HS3ST4: variants seen among roughly 807,000 people sequenced by gnomAD.
The protein encoded by HS3ST4 is heparan sulfate-glucosamine 3-sulfotransferase 4.
A neutral mutation model predicts 29.2 loss-of-function variants in HS3ST4; 17 were observed. The observed-to-expected ratio is 0.58, with a 90% CI of 0.40 to 0.87. The LOEUF is 0.87. Ranked by LOEUF, HS3ST4 falls within the 40% of genes least tolerant of loss-of-function variation. The pLI is 0.00. For synonymous variants in HS3ST4, 314 were observed against 285.7 expected (o/e 1.10, Z -1.00); for missense variants, 627 against 634.5 (o/e 0.99, Z 0.13).
At chr16:25,981,236 A>G (rs1181028964) in intron 1 of HS3ST4, among the ~76,000 whole-genome samples, 2 of 152,058 alleles carry the variant, frequency 1.3e-5, no homozygotes, top group African/African-American at 4.8e-5. Flanking sequence ...GCTTGCCTGT[A>G]ATCTCACAGG....
rs1184611256 is a variant in HS3ST4, at chr16:25,716,008, G to A, written c.734+22857G>A. On this transcript the variant is annotated intron_variant, in intron 1 of 1. Transcript: ENST00000331351. ...GAGGTCAGGGGGATCCTGAGCAGGA[G>A]CAGAGCTAGACAGCTTCCCTGTGAA... Among the ~76,000 whole-genome samples, 3 of 152,196 alleles carry A rather than the reference G, an allele frequency of 2.0e-5. No individual in the cohort carries two copies. The East Asian group carries it at 5.8e-4, about 29-fold the overall frequency.
chr16:26,070,666 C>T (rs1340082179), intron 1 of HS3ST4, among the ~76,000 whole-genome samples: 3 of 152,210 alleles, frequency 2.0e-5, no homozygotes, highest in Non-Finnish European at 4.4e-5. Flanking sequence ...GGATGCTTTA[C>T]ATGTACTTTT....
intron 1 of HS3ST4, among the ~76,000 whole-genome samples, chr16:26,046,039 A>G (rs1025188001): frequency 2.0e-5 from 3 of 151,782 alleles, no homozygotes; most frequent in Non-Finnish European, 2.9e-5. Context: ...TGCCTATAGT[A>G]TCTTCTCCAT....
intron 1 of HS3ST4, among the ~76,000 whole-genome samples, chr16:26,082,177 T>C (rs1379224628): frequency 6.6e-6 from 1 of 152,172 alleles, no homozygotes; most frequent in Non-Finnish European, 1.5e-5. Context: ...TCTATGGAGA[T>C]GTGTTCTGGG....
intron 1 of HS3ST4, among the ~76,000 whole-genome samples, chr16:25,806,998 G>T (rs918538876): frequency 4.6e-5 from 7 of 152,082 alleles, no homozygotes; most frequent in African/African-American, 1.7e-4. Flanking sequence ...TTGAGAGGGA[G>T]TTTCACTCTT....
intron 1 of HS3ST4, among the ~76,000 whole-genome samples, chr16:26,054,081 C>A (rs1898377090): frequency 6.6e-6 from 1 of 152,146 alleles, no homozygotes; most frequent in Admixed American, 6.6e-5. Flanking sequence ...TTGGTCAAAG[C>A]AGGTCATATG....
chr16:25,870,728 T>C (rs957844351), intron 1 of HS3ST4, among the ~76,000 whole-genome samples: 1 of 152,076 alleles, frequency 6.6e-6, no homozygotes, highest in Non-Finnish European at 1.5e-5. Context: ...ACCAAGCAAA[T>C]TGAAGAGAAA....
chr16:25,789,755 A>G (rs1346899371), intron 1 of HS3ST4, among the ~76,000 whole-genome samples: 4 of 152,062 alleles, frequency 2.6e-5, no homozygotes. Context: ...ACTACTCTCC[A>G]ATAACTAGGA....
At chr16:25,888,372 C>T (rs1483674231) in intron 1 of HS3ST4, among the ~76,000 whole-genome samples, 1 of 152,206 alleles carries the variant, frequency 6.6e-6, no homozygotes, top group Non-Finnish European at 1.5e-5. Context: ...CTCTCTTTAT[C>T]TCTGCGTTTC....
intron 1 of HS3ST4, among the ~76,000 whole-genome samples, chr16:25,936,747 A>G (rs1263427050): frequency 6.6e-6 from 1 of 152,236 alleles, no homozygotes; most frequent in Non-Finnish European, 1.5e-5. Context: ...ACTCACAGCA[A>G]CAGATTAGGA....
chr16:25,786,765 C>G (rs917843568), intron 1 of HS3ST4, among the ~76,000 whole-genome samples: 1 of 152,152 alleles, frequency 6.6e-6, no homozygotes, highest in Non-Finnish European at 1.5e-5. Context: ...TTTTCCCTTT[C>G]TTTAATAGTT....
chr16:26,134,541 T>C (rs973138506), intron 1 of HS3ST4, among the ~76,000 whole-genome samples: 3 of 151,910 alleles, frequency 2.0e-5, no homozygotes, highest in African/African-American at 4.8e-5. Flanking sequence ...TTTTGTATTT[T>C]AGTAGTGATG....
intron 1 of HS3ST4, among the ~76,000 whole-genome samples, chr16:26,069,162 G>A (rs1048985653): frequency 6.6e-6 from 1 of 152,212 alleles, no homozygotes; most frequent in East Asian, 1.9e-4. Flanking sequence ...ATGTTGCCCA[G>A]ACTGGTCTCA....
At chr16:25,831,619 A>T (rs995285473) in intron 1 of HS3ST4, among the ~76,000 whole-genome samples, 1 of 151,700 alleles carries the variant, frequency 6.6e-6, no homozygotes, top group Non-Finnish European at 1.5e-5. Flanking sequence ...TAAAGATAAA[A>T]ATTTTGCATA....
At chr16:26,132,763 C>G (rs1899437246) in intron 1 of HS3ST4, among the ~76,000 whole-genome samples, 1 of 152,096 alleles carries the variant, frequency 6.6e-6, no homozygotes, top group African/African-American at 2.4e-5. Flanking sequence ...AAGAAAAATG[C>G]AACAAAATAA....
At chr16:25,783,986 T>C (rs8182188) in intron 1 of HS3ST4, among the ~76,000 whole-genome samples, 46,397 of 152,146 alleles carry the variant, frequency 0.3, 7,638 homozygotes, top group Non-Finnish European at 0.38. Flanking sequence ...TTTTCAACAG[T>C]GTGTGCTCAC....
chr16:26,054,299 A>AGAGAGAGAGAGAGAGAGAGAGAGAGAGAG (rs397962355), intron 1 of HS3ST4, among the ~76,000 whole-genome samples: 1 of 141,790 alleles, frequency 7.1e-6, no homozygotes, highest in African/African-American at 2.9e-5. Flanking sequence ...AGAGAGAGAG[A>AGAGAGAGAGAGAGAGAGAGAGAGAGAGAG]AGGAGGAGGA....
At chr16:25,766,014 G>T (rs970170027) in intron 1 of HS3ST4, among the ~76,000 whole-genome samples, 6 of 152,048 alleles carry the variant, frequency 3.9e-5, no homozygotes, top group Non-Finnish European at 8.8e-5. Flanking sequence ...TTAGCAAGTC[G>T]GAAATCCCAG....
intron 1 of HS3ST4, among the ~76,000 whole-genome samples, chr16:26,047,072 A>G (rs1567301227): frequency 6.6e-6 from 1 of 152,258 alleles, no homozygotes; most frequent in African/African-American, 2.4e-5. Context: ...CCTGCTTAAA[A>G]TAATACATGA....
Sources: allele counts gnomAD v4.1 joint callset (sites outside exome capture counted in the v4.1 genomes callset), GRCh38; gene constraint gnomAD v4.1.1; transcripts MANE v1.5; gene names NCBI Gene and HGNC (gene_info 2026-07-23, HGNC 2026-07-21).